SLC71A1: variants seen among roughly 807,000 people sequenced by gnomAD.
SLC71A1 encodes the protein solute carrier family 71 member 1, also known as hippocampus abundant gene transcript 1.
chr1:100,064,389 A>G, the SLC71A1 span, among the ~76,000 whole-genome samples: 2 of 152,170 alleles, frequency 1.3e-5, no homozygotes, highest in Non-Finnish European at 2.9e-5. Context: ...TCGGCCTCCC[A>G]AAGTGTTGGG....
At chr1:100,071,124 A>G in the SLC71A1 span, among the ~76,000 whole-genome samples, 1 of 152,016 alleles carries the variant, frequency 6.6e-6, no homozygotes, top group South Asian at 2.1e-4. Context: ...TTGGAGGAAA[A>G]TATACTGTAG....
At chr1:100,068,457 C>T in the SLC71A1 span, 3 of 1,530,576 alleles carry the variant, frequency 2.0e-6, no homozygotes, top group Non-Finnish European at 2.7e-6. Flanking sequence ...ATCAATCAGT[C>T]TTTTTCTTGT....
the SLC71A1 span, among the ~76,000 whole-genome samples, chr1:100,055,742 G>A: frequency 6.6e-6 from 1 of 151,746 alleles, no homozygotes; most frequent in Admixed American, 6.6e-5. Context: ...CCAATTTTAG[G>A]TTTTGTTTTG....
chr1:100,068,977 C>T, the SLC71A1 span, among the ~76,000 whole-genome samples: 7 of 151,928 alleles, frequency 4.6e-5, no homozygotes, highest in Non-Finnish European at 1.0e-4. Context: ...AGCGAAACTC[C>T]GTCTCAAAAT....
At chr1:100,069,610 C>T in the SLC71A1 span, 3 of 1,600,300 alleles carry the variant, frequency 1.9e-6, no homozygotes, top group Non-Finnish European at 2.6e-6. Flanking sequence ...GGAAACCCTT[C>T]TAGATAATGA....
chr1:100,078,930 G>T, the SLC71A1 span: 1 of 156,494 alleles, frequency 6.4e-6, no homozygotes, highest in African/African-American at 2.4e-5. Flanking sequence ...GCTGGGCAGG[G>T]TGGCGCATGC....
chr1:100,081,954 T>C, the SLC71A1 span: 32 of 1,411,408 alleles, frequency 2.3e-5, no homozygotes, highest in South Asian at 3.4e-4. Flanking sequence ...TTTCTCCTTA[T>C]GAGTAAAAGT....
At chr1:100,043,389 A>C in the SLC71A1 span, among the ~76,000 whole-genome samples, 1 of 152,160 alleles carries the variant, frequency 6.6e-6, no homozygotes, top group East Asian at 1.9e-4. Context: ...ATAGCTCTCA[A>C]AATTTCCAGT....
At chr1:100,039,747 T>C in the SLC71A1 span, among the ~76,000 whole-genome samples, 1 of 152,248 alleles carries the variant, frequency 6.6e-6, no homozygotes, top group Non-Finnish European at 1.5e-5. Context: ...AATGAAAGAT[T>C]GTATTTTGTA....
the SLC71A1 span, among the ~76,000 whole-genome samples, chr1:100,070,691 C>G: frequency 6.6e-6 from 1 of 152,164 alleles, no homozygotes; most frequent in African/African-American, 2.4e-5. Context: ...TCTCTCACAT[C>G]ACAGAACATT....
the SLC71A1 span, chr1:100,049,856 T>C: frequency 5.9e-4 from 501 of 851,424 alleles, 4 homozygotes; most frequent in East Asian, 0.012. Context: ...TTAATAATTA[T>C]AGAATGTACT....
At chr1:100,059,870 T>G in the SLC71A1 span, 2 of 1,596,958 alleles carry the variant, frequency 1.3e-6, no homozygotes, top group Non-Finnish European at 1.7e-6. Context: ...TTCATTTAAT[T>G]TTTTTAGGGT....
the SLC71A1 span, among the ~76,000 whole-genome samples, chr1:100,060,262 A>G: frequency 6.6e-6 from 1 of 152,196 alleles, no homozygotes; most frequent in East Asian, 1.9e-4. Flanking sequence ...CCAGAACCCA[A>G]ATTTCAAAAC....
the SLC71A1 span, among the ~76,000 whole-genome samples, chr1:100,046,074 A>G: frequency 2.0e-5 from 3 of 151,958 alleles, no homozygotes; most frequent in South Asian, 6.2e-4. Flanking sequence ...GTTGACTGTA[A>G]ATGCATGGAT....
the SLC71A1 span, chr1:100,059,936 G>A: frequency 2.5e-6 from 4 of 1,612,780 alleles, no homozygotes; most frequent in Non-Finnish European, 2.5e-6. Context: ...GTTTGGGGCC[G>A]AAAATCCTTC....
At chr1:100,059,879 G>T in the SLC71A1 span, 1 of 1,605,844 alleles carries the variant, frequency 6.2e-7, no homozygotes, top group Non-Finnish European at 8.5e-7. Flanking sequence ...TTTTTTTAGG[G>T]TTTGTTGTCA....
chr1:100,061,927 A>T, the SLC71A1 span: 1 of 1,609,592 alleles, frequency 6.2e-7, no homozygotes, highest in Non-Finnish European at 8.5e-7. Flanking sequence ...CAAGAGCATG[A>T]AAGAAGTATG....
chr1:100,041,397 C>G, the SLC71A1 span, among the ~76,000 whole-genome samples: 1 of 152,124 alleles, frequency 6.6e-6, no homozygotes, highest in African/African-American at 2.4e-5. Context: ...TCTGTTCACC[C>G]TGAAGTTGTT....
At chr1:100,060,061 T>C in the SLC71A1 span, 1 of 1,464,116 alleles carries the variant, frequency 6.8e-7, no homozygotes, top group Middle Eastern at 1.8e-4. Flanking sequence ...ATTGTTTTCT[T>C]AATGTTCCTT....
Sources: allele counts gnomAD v4.1 joint callset (sites outside exome capture counted in the v4.1 genomes callset), GRCh38; gene constraint gnomAD v4.1.1; transcripts MANE v1.5; gene names NCBI Gene and HGNC (gene_info 2026-07-23, HGNC 2026-07-21).